Variants in TENM2 observed in about 807,000 individuals in gnomAD.
The protein encoded by TENM2 is teneurin transmembrane protein 2.
TENM2 carries 52 observed loss-of-function variants against 245.2 expected under a neutral mutation model. The ratio of observed to expected loss-of-function variants is 0.21; its 90% CI spans 0.17 to 0.27. TENM2 has a LOEUF of 0.27. TENM2 is among the 10% of genes least tolerant of loss of function. The probability of loss-of-function intolerance (pLI) is 1.00; values close to 1 mark genes in which losing one functional copy is unlikely to be tolerated. For missense variants in TENM2, 3,046 were observed against 3,666.8 expected (o/e 0.83, Z 4.37); for synonymous variants, 1,363 against 1,438.9 (o/e 0.95, Z 1.19).
chr5:167,500,897 C>T (rs1769170287), intron 2 of TENM2, among the ~76,000 whole-genome samples: 1 of 152,048 alleles, frequency 6.6e-6, no homozygotes, highest in South Asian at 2.1e-4. Flanking sequence ...TACTAAATGT[C>T]CTCCTTAGTT....
intron 1 of TENM2, among the ~76,000 whole-genome samples, chr5:167,299,626 T>C (rs950101617): frequency 3.3e-5 from 5 of 152,152 alleles, no homozygotes; most frequent in Admixed American, 2.6e-4. Context: ...TACTATAGCA[T>C]AGCCTGCCTT....
chr5:167,458,243 T>C (rs1205032688), intron 2 of TENM2, among the ~76,000 whole-genome samples: 1 of 151,864 alleles, frequency 6.6e-6, no homozygotes, highest in Non-Finnish European at 1.5e-5. Flanking sequence ...TCCCAGCACT[T>C]TGGGAGGCCG....
chr5:168,258,618 A>G (rs1439514768), intron 27 of TENM2, among the ~76,000 whole-genome samples: 1 of 152,200 alleles, frequency 6.6e-6, no homozygotes, highest in Non-Finnish European at 1.5e-5. Flanking sequence ...CATCATGCTG[A>G]GTGAAAGAAG....
chr5:167,441,797 G>A (rs1405752672), intron 2 of TENM2, among the ~76,000 whole-genome samples: 3 of 152,144 alleles, frequency 2.0e-5, no homozygotes, highest in African/African-American at 7.2e-5. Context: ...ATGAGTTTAT[G>A]TGCTTCTCTT....
intron 2 of TENM2, among the ~76,000 whole-genome samples, chr5:167,521,975 A>G (rs1770784031): frequency 1.3e-5 from 2 of 152,152 alleles, no homozygotes. Context: ...TTAATCCTCA[A>G]TTTATAAAGC....
intron 2 of TENM2, among the ~76,000 whole-genome samples, chr5:167,525,103 G>C (rs1037534203): frequency 6.6e-6 from 1 of 151,958 alleles, no homozygotes; most frequent in African/African-American, 2.4e-5. Flanking sequence ...GTGTTGGCCA[G>C]TTGCCAAATC....
Position 168,241,825 on chromosome 5 carries a change from G to T in TENM2, c.5521-2595G>T, listed in dbSNP as rs143546944. Among the ~76,000 whole-genome samples the T allele has an allele frequency of 2.2e-4, 33 of 152,304 alleles. No homozygotes were observed. The East Asian group carries it at 6.0e-3, about 28-fold the overall frequency. The stretch of plus-strand genomic sequence containing the variant: ...AGTATCAGGGGCTTGTATCAATTTA[G>T]ATTTGTTTCCACCGCTAGTAACAGA... On this transcript the variant is annotated intron_variant, in intron 25 of 28. Transcript: ENST00000518659.
chr5:167,979,892 C>A (rs181354769), intron 4 of TENM2, among the ~76,000 whole-genome samples: 76 of 152,230 alleles, frequency 5.0e-4, no homozygotes, highest in African/African-American at 1.8e-3. Flanking sequence ...TGACGGGATT[C>A]CTTGAAAAGG....
At chr5:167,181,508 G>GTA in the TENM2 span, among the ~76,000 whole-genome samples, 1 of 142,954 alleles carries the variant, frequency 7.0e-6, no homozygotes, top group Non-Finnish European at 1.5e-5. Context: ...GTGTGTATGT[G>GTA]TATTTTCTTG....
At chr5:167,198,025 G>A in the TENM2 span, among the ~76,000 whole-genome samples, 1 of 151,904 alleles carries the variant, frequency 6.6e-6, no homozygotes, top group Non-Finnish European at 1.5e-5. Context: ...GGCATTATTT[G>A]TATTGGAATA....
At chr5:167,704,266 G>A (rs1486797709) in intron 2 of TENM2, among the ~76,000 whole-genome samples, 1 of 152,172 alleles carries the variant, frequency 6.6e-6, no homozygotes, top group Non-Finnish European at 1.5e-5. Context: ...GTCCCTGTCT[G>A]AACAGAGGAC....
At chr5:167,119,315 G>C in the TENM2 span, among the ~76,000 whole-genome samples, 4 of 152,144 alleles carry the variant, frequency 2.6e-5, no homozygotes, top group Admixed American at 1.3e-4. Context: ...TTAACGCAAG[G>C]TGAAAGAAAA....
chr5:167,772,188 G>A (rs550587508), intron 2 of TENM2, among the ~76,000 whole-genome samples: 8 of 152,144 alleles, frequency 5.3e-5, no homozygotes, highest in Non-Finnish European at 1.0e-4. Flanking sequence ...AAATTAATAT[G>A]TGTTCCCTGG....
chr5:167,144,595 C>T, the TENM2 span, among the ~76,000 whole-genome samples: 1 of 152,122 alleles, frequency 6.6e-6, no homozygotes. Context: ...GGTGGCTTAA[C>T]TTCCCATAGA....
intron 2 of TENM2, among the ~76,000 whole-genome samples, chr5:167,858,681 G>A (rs1384075509): frequency 1.3e-5 from 2 of 151,270 alleles, no homozygotes. Flanking sequence ...GCTGACGCCC[G>A]CGGGCACCAG....
chr5:167,018,617 T>G, the TENM2 span, among the ~76,000 whole-genome samples: 2 of 152,244 alleles, frequency 1.3e-5, no homozygotes, highest in East Asian at 1.9e-4. Context: ...AAATCAAAAG[T>G]AAAATGTGAG....
At chr5:167,142,241 G>T in the TENM2 span, among the ~76,000 whole-genome samples, 1 of 152,084 alleles carries the variant, frequency 6.6e-6, no homozygotes, top group African/African-American at 2.4e-5. Context: ...TCTTTTTAAA[G>T]GAAAGACTCT....
intron 2 of TENM2, among the ~76,000 whole-genome samples, chr5:167,561,321 G>T (rs1047532730): frequency 2.3e-4 from 35 of 152,152 alleles, no homozygotes; most frequent in African/African-American, 8.2e-4. Flanking sequence ...AACATCATAA[G>T]TGAAAGGATA....
intron 2 of TENM2, among the ~76,000 whole-genome samples, chr5:167,466,700 T>C (rs1384013199): frequency 6.6e-6 from 1 of 152,216 alleles, no homozygotes; most frequent in Non-Finnish European, 1.5e-5. Context: ...TGGAAAATGA[T>C]TTTTCCAAAG....
Sources: allele counts gnomAD v4.1 joint callset (sites outside exome capture counted in the v4.1 genomes callset), GRCh38; gene constraint gnomAD v4.1.1; transcripts MANE v1.5; gene names NCBI Gene and HGNC (gene_info 2026-07-23, HGNC 2026-07-21).